The following GPBP1 variants were observed in gnomAD, a reference collection of about 807,000 sequenced individuals.
The protein encoded by GPBP1 is GC-rich promoter binding protein 1.
A neutral mutation model predicts 56.5 loss-of-function variants in GPBP1; 13 were observed. That is an observed-to-expected ratio of 0.23 (90% confidence interval 0.15 to 0.37). GPBP1 has a LOEUF of 0.37. Among genes scored for constraint, GPBP1 ranks in the 10% least tolerant of loss-of-function variants. GPBP1 has a pLI of 1.00. For missense variants in GPBP1, 477 were observed against 572.3 expected (o/e 0.83, Z 1.70); for synonymous variants, 204 against 188.9 (o/e 1.08, Z -0.66).
chr5:57,262,523 A>T, intron 11 of GPBP1, 71 bp from the exon 12 acceptor site: 1 of 1,162,422 alleles, frequency 8.6e-7, no homozygotes, highest in Non-Finnish European at 1.3e-6. Context: ...TATTATATTC[A>T]TGCTTATATT....
At chr5:57,188,713 A>G (rs1417869155) in intron 2 of GPBP1, among the ~76,000 whole-genome samples, 1 of 152,184 alleles carries the variant, frequency 6.6e-6, no homozygotes, top group Non-Finnish European at 1.5e-5. Context: ...ACTGCACTCC[A>G]GCCTGGGCGA....
chr5:57,175,967 C>G lies in GPBP1; in HGVS notation c.-491C>G, dbSNP rs1359545072. 2.5e-6 allele frequency: 1 copy of G among 398,234 alleles called. No individual in the cohort carries two copies. Among genetic ancestry groups the G allele is most frequent in the Non-Finnish European group, 4.4e-6 (1 of 226,004 alleles). The allele number at this position is 398,234 out of a possible 1,614,324, so 24.7% of individuals were successfully genotyped here. On this transcript the variant is annotated 5_prime_UTR_variant, in exon 2 of 12. The change creates a premature stop within an existing upstream ORF in the 5' untranslated region. Coordinates refer to ENST00000506184, the MANE Select transcript of GPBP1 (RefSeq NM_022913.4). ...TTTTTTTCCTTTTATCTTTTATTTA[C>G]GTGGAAATTTAAGATGTTGCAGTTT...
At chr5:57,246,604 AG>A in intron 7 of GPBP1, 120 bp downstream of exon 7, 1 of 702,610 alleles carries the variant, frequency 1.4e-6, no homozygotes, top group East Asian at 2.7e-5. Flanking sequence ...GCTGAGTTCT[AG>A]GTGGCAAGAG....
At chr5:57,233,960 CCATTCT>C (rs1189948750) in intron 5 of GPBP1, among the ~76,000 whole-genome samples, 1 of 152,096 alleles carries the variant, frequency 6.6e-6, no homozygotes, top group Non-Finnish European at 1.5e-5. Flanking sequence ...TATCCCACCC[CCATTCT>C]CAAGATGTGG....
intron 6 of GPBP1, among the ~76,000 whole-genome samples, chr5:57,242,585 C>G (rs1464743038): frequency 1.3e-5 from 2 of 152,024 alleles, no homozygotes; most frequent in Admixed American, 6.5e-5. Context: ...CCCCAGCCTC[C>G]TAGGCTCAAG....
At chr5:57,240,014 A>G (rs914590803) in intron 6 of GPBP1, among the ~76,000 whole-genome samples, 1 of 152,164 alleles carries the variant, frequency 6.6e-6, no homozygotes, top group Non-Finnish European at 1.5e-5. Context: ...TAATCCCAGC[A>G]TTTTTGGAGC....
Position 57,246,301 on chromosome 5 carries a change from A to G in GPBP1, c.480A>G (p.Glu160=). ...CTTGGTCATGCTTTATTTATGCAGA[A>G]TATCCTCCGAATCCTAAATCTAGAG... ...HNKSLAAGVW[E]YPPNPKSRAP... is the part of the protein sequence containing the mutation. Residue 160 remains glutamate (E), a splice_region_variant and synonymous_variant, in exon 7 of 12, where the codon GAA becomes GAG. Transcript: ENST00000506184. 3 of 1,609,896 alleles carry G rather than the reference A, an allele frequency of 1.9e-6. No individual in the cohort carries two copies. Among genetic ancestry groups the G allele is most frequent in the East Asian group, 2.2e-5 (1 of 44,840 alleles).
intron 2 of GPBP1, among the ~76,000 whole-genome samples, chr5:57,212,213 C>T (rs1040193486): frequency 6.6e-6 from 1 of 152,122 alleles, no homozygotes. Flanking sequence ...TACATGATTC[C>T]AGCCCATTTT....
At chr5:57,257,880 GT>G (rs1173333614) in intron 10 of GPBP1, among the ~76,000 whole-genome samples, 1 of 151,812 alleles carries the variant, frequency 6.6e-6, no homozygotes, top group Non-Finnish European at 1.5e-5. Flanking sequence ...TACCTAGTTT[GT>G]TTTAAGGGTG....
At chr5:57,183,044 T>G (rs1440486852) in intron 2 of GPBP1, among the ~76,000 whole-genome samples, 2 of 152,096 alleles carry the variant, frequency 1.3e-5, no homozygotes, top group Non-Finnish European at 2.9e-5. Flanking sequence ...ATTTTTTTCC[T>G]ACACTTTTCA....
At chr5:57,180,263 C>T (rs115564999) in intron 2 of GPBP1, among the ~76,000 whole-genome samples, 1,760 of 152,132 alleles carry the variant, frequency 0.012, 30 homozygotes, top group African/African-American at 0.04. Flanking sequence ...TACAGGTCCC[C>T]GCTGCCATGC....
chr5:57,256,404 T>C (rs955079156), intron 10 of GPBP1, among the ~76,000 whole-genome samples: 3 of 152,230 alleles, frequency 2.0e-5, no homozygotes, highest in African/African-American at 7.2e-5. Flanking sequence ...TTTAATTTTT[T>C]TTGAGACTTT....
intron 2 of GPBP1, among the ~76,000 whole-genome samples, chr5:57,197,360 CTT>C (rs34110209): frequency 6.7e-5 from 8 of 119,866 alleles, no homozygotes; most frequent in Non-Finnish European, 8.1e-5. Flanking sequence ...TATCATTTTG[CTT>C]TTTTTTTTTT....
rs185834590 is a variant in GPBP1, at chr5:57,224,378, G to A, written c.64-6468G>A. On this transcript the variant is annotated intron_variant, in intron 3 of 11. Coordinates refer to ENST00000506184, the MANE Select transcript of GPBP1 (RefSeq NM_022913.4). The stretch of plus-strand genomic sequence containing the variant: ...CTTTTCCATCCTTCCGAGTAGCTGG[G>A]ACTACAGGCAGATGCCACCATGCCC... Among the ~76,000 whole-genome samples the A allele has an allele frequency of 5.9e-5, 9 of 151,728 alleles. No homozygotes were observed. In the East Asian group the frequency reaches 1.6e-3, roughly 26 times the overall value.
At chr5:57,230,762 G>A (rs1756417969) in intron 3 of GPBP1, 84 bp from the exon 4 acceptor site, 2 of 1,205,984 alleles carry the variant, frequency 1.7e-6, no homozygotes, top group Non-Finnish European at 2.4e-6. Context: ...AAAATTTTTG[G>A]AAATAAGTGA....
chr5:57,215,001 A>G (rs558075535), intron 3 of GPBP1, among the ~76,000 whole-genome samples: 5 of 152,330 alleles, frequency 3.3e-5, no homozygotes, highest in Admixed American at 3.3e-4. Flanking sequence ...TTACACCATC[A>G]GCGTACACTA....
intron 2 of GPBP1, among the ~76,000 whole-genome samples, chr5:57,183,643 C>A (rs1160688062): frequency 6.6e-6 from 1 of 151,836 alleles, no homozygotes; most frequent in Non-Finnish European, 1.5e-5. Flanking sequence ...ACCGCCCCCC[C>A]ATCTCAAAAA....
Position 57,231,086 on chromosome 5 carries a change from T to A in GPBP1, c.188-12T>A. 6.2e-7 allele frequency: 1 copy of A among 1,606,274 alleles called. No individual in the cohort carries two copies. The highest frequency in any genetic ancestry group is 1.1e-5 in the South Asian group (1 of 89,824). ...CTTTGAATTTATATTACTTTGCTAT[T>A]ATCAAATAAAGGTAACTTTGGAAGG... On this transcript the variant is annotated splice_polypyrimidine_tract_variant and intron_variant, in intron 4 of 11. Coordinates refer to ENST00000506184, the MANE Select transcript of GPBP1 (RefSeq NM_022913.4).
At position 57,236,994 on chromosome 5, in the gene GPBP1, T is replaced by A. The variant is rs1756688053; in HGVS notation, c.478+962T>A. ...TTATTTTGTTTTCTTTTGATCTTCC[T>A]CTTTATTTAAGGGCTTTTTGAGGGT... is the stretch of plus-strand genomic sequence containing the variant. On this transcript the variant is annotated intron_variant, in intron 6 of 11. Coordinates refer to ENST00000506184, the MANE Select transcript of GPBP1 (RefSeq NM_022913.4). The A allele has an allele frequency of 7.3e-6, 5 of 683,810 alleles. No individual in the cohort carries two copies. In the Admixed American group the frequency reaches 1.3e-4, roughly 18 times the overall value. The allele number at this position is 683,810 out of a possible 1,614,324, so 42.4% of individuals were successfully genotyped here. A position where few individuals can be genotyped will look rare whatever the true frequency, so the allele number is the denominator to read the frequency against.
Sources: allele counts gnomAD v4.1 joint callset (sites outside exome capture counted in the v4.1 genomes callset), GRCh38; gene constraint gnomAD v4.1.1; transcripts MANE v1.5; gene names NCBI Gene and HGNC (gene_info 2026-07-23, HGNC 2026-07-21).